The following FBXL7 variants were observed in gnomAD, a reference collection of about 807,000 sequenced individuals.
FBXL7 encodes F-box and leucine rich repeat protein 7, also known as F-box/LRR-repeat protein 7.
In FBXL7, 12 loss-of-function variants were observed where a neutral mutation model predicts 38.3. The observed-to-expected ratio is 0.31, with a 90% CI of 0.20 to 0.51. FBXL7 has a LOEUF of 0.51. Among genes scored for constraint, FBXL7 ranks in the 20% least tolerant of loss-of-function variants. The pLI, the probability that FBXL7 is intolerant of heterozygous loss-of-function variation, is 0.98. For missense variants in FBXL7, 567 were observed against 676.4 expected (o/e 0.84, Z 1.79); for synonymous variants, 297 against 300.9 (o/e 0.99, Z 0.13).
At chr5:15,513,366 C>T (rs1736854185) in intron 1 of FBXL7, among the ~76,000 whole-genome samples, 2 of 151,804 alleles carry the variant, frequency 1.3e-5, no homozygotes, top group African/African-American at 4.8e-5. Flanking sequence ...ACATGATATC[C>T]ATTAGAGGAA....
At chr5:15,645,640 C>A (rs969404646) in intron 2 of FBXL7, among the ~76,000 whole-genome samples, 3 of 152,210 alleles carry the variant, frequency 2.0e-5, no homozygotes, top group Non-Finnish European at 4.4e-5. Flanking sequence ...GCAAAATAAA[C>A]TTTCTGAATT....
chr5:15,714,015 C>T (rs1743962880), intron 2 of FBXL7, among the ~76,000 whole-genome samples: 1 of 152,220 alleles, frequency 6.6e-6, no homozygotes, highest in African/African-American at 2.4e-5. Flanking sequence ...TATGTTGTTA[C>T]ATGGCAAAAG....
chr5:15,894,277 A>G (rs1741026488), intron 2 of FBXL7, among the ~76,000 whole-genome samples: 1 of 152,174 alleles, frequency 6.6e-6, no homozygotes, highest in African/African-American at 2.4e-5. Context: ...CAAAACAAAC[A>G]AAACAAACAA....
At chr5:15,895,108 G>A (rs140626589) in intron 2 of FBXL7, among the ~76,000 whole-genome samples, 88 of 152,182 alleles carry the variant, frequency 5.8e-4, no homozygotes, top group African/African-American at 1.9e-3. Context: ...TATTCTACTC[G>A]TTAATCTGTT....
At chr5:15,836,507 G>A (rs1409528830) in intron 2 of FBXL7, among the ~76,000 whole-genome samples, 1 of 152,044 alleles carries the variant, frequency 6.6e-6, no homozygotes, top group South Asian at 2.1e-4. Flanking sequence ...AGGTAATGTT[G>A]GAATAAAGAT....
At chr5:15,807,769 C>T (rs1436376794) in intron 2 of FBXL7, among the ~76,000 whole-genome samples, 6 of 151,964 alleles carry the variant, frequency 3.9e-5, no homozygotes, top group African/African-American at 1.4e-4. Flanking sequence ...CTCTCGCTTA[C>T]TTCTTCTAAT....
intron 2 of FBXL7, among the ~76,000 whole-genome samples, chr5:15,776,612 G>A (rs937706465): frequency 1.3e-5 from 2 of 152,068 alleles, no homozygotes; most frequent in Non-Finnish European, 2.9e-5. Context: ...TGTGTCTGGG[G>A]CTCAACATAT....
chr5:15,778,565 T>G (rs1018345435), intron 2 of FBXL7, among the ~76,000 whole-genome samples: 1 of 152,116 alleles, frequency 6.6e-6, no homozygotes, highest in Non-Finnish European at 1.5e-5. Flanking sequence ...TCACCTGTGG[T>G]CAAGGTCCTA....
In FBXL7 at chr5:15,769,304, A is replaced by G. The variant is rs143958962; in HGVS notation, c.127+153232A>G. Among the ~76,000 whole-genome samples the G allele has an allele frequency of 2.6e-4, 40 of 152,342 alleles. 1 individual carries two copies. The East Asian group carries it at 7.7e-3, about 29-fold the overall frequency. On this transcript the variant is annotated intron_variant, in intron 2 of 3. Transcript: ENST00000504595. ...TTGAGCATACAACTTGAGTGCATCC[A>G]TCTGGAACATTCAAAATTGACCCTC...
chr5:15,645,658 A>C (rs1167700033), intron 2 of FBXL7, among the ~76,000 whole-genome samples: 1 of 152,134 alleles, frequency 6.6e-6, no homozygotes, highest in Non-Finnish European at 1.5e-5. Flanking sequence ...ATTAACTGAG[A>C]CCTGTCTCAA....
rs115433102 is a variant in FBXL7, at chr5:15,921,870, G to T, written c.128-6020G>T. Among the ~76,000 whole-genome samples the T allele has an allele frequency of 9.6e-3, 1,457 of 152,236 alleles. 17 individuals carry two copies. The highest frequency in any genetic ancestry group is 0.032 in the African/African-American group (1,320 of 41,542). On this transcript the variant is annotated intron_variant, in intron 2 of 3. Coordinates refer to ENST00000504595, the MANE Select transcript of FBXL7 (RefSeq NM_012304.5). Reference sequence around the variant, plus strand: ...TAAGTGTGACAGGGTGTGAAGAAAAGAGAACCCTTGGAATCTAGATTGTTG... The same window carrying T: ...TAAGTGTGACAGGGTGTGAAGAAAATAGAACCCTTGGAATCTAGATTGTTG...
At chr5:15,806,451 A>C (rs922460719) in intron 2 of FBXL7, among the ~76,000 whole-genome samples, 1 of 152,206 alleles carries the variant, frequency 6.6e-6, no homozygotes, top group African/African-American at 2.4e-5. Context: ...AATAACCTCA[A>C]AATAAATTAT....
intron 2 of FBXL7, among the ~76,000 whole-genome samples, chr5:15,689,185 A>C (rs919205818): frequency 6.6e-6 from 1 of 151,408 alleles, no homozygotes; most frequent in African/African-American, 2.4e-5. Context: ...GACATTGAGG[A>C]GTTTTCTTCC....
At chr5:15,639,952 G>A (rs1741304814) in intron 2 of FBXL7, among the ~76,000 whole-genome samples, 1 of 152,014 alleles carries the variant, frequency 6.6e-6, no homozygotes, top group Admixed American at 6.6e-5. Context: ...ACTGTAGAAA[G>A]GTCTTTTCCG....
At chr5:15,933,926 C>T (rs567216629) in intron 3 of FBXL7, among the ~76,000 whole-genome samples, 30 of 151,972 alleles carry the variant, frequency 2.0e-4, no homozygotes, top group Non-Finnish European at 3.7e-4. Context: ...TATACAGCCT[C>T]GGTAGTAGAA....
At chr5:15,806,811 A>G (rs1210781242) in intron 2 of FBXL7, among the ~76,000 whole-genome samples, 2 of 152,192 alleles carry the variant, frequency 1.3e-5, no homozygotes, top group African/African-American at 2.4e-5. Context: ...AGCAGCCCAG[A>G]GTAAGGTGGA....
chr5:15,586,055 C>T (rs1739291867), intron 1 of FBXL7, among the ~76,000 whole-genome samples: 1 of 152,206 alleles, frequency 6.6e-6, no homozygotes, highest in African/African-American at 2.4e-5. Context: ...TATGTGCTGT[C>T]ATTGCAAAGC....
chr5:15,739,759 T>C lies in FBXL7; in HGVS notation c.127+123687T>C, dbSNP rs1160957680. 2.6e-5 allele frequency among the ~76,000 whole-genome samples: 4 copies of C among 152,352 alleles called. No individual in the cohort carries two copies. In the East Asian group the frequency reaches 7.7e-4, roughly 29 times the overall value. ...TTCCATTTATAAATTTACAATGTATTATTTACCCATTAATCAGTTGGTAGA... is the reference window on the plus strand; with the variant it reads ...TTCCATTTATAAATTTACAATGTATCATTTACCCATTAATCAGTTGGTAGA... On this transcript the variant is annotated intron_variant, in intron 2 of 3. Coordinates refer to ENST00000504595, the MANE Select transcript of FBXL7 (RefSeq NM_012304.5).
chr5:15,683,535 T>C (rs1487905992), intron 2 of FBXL7, among the ~76,000 whole-genome samples: 2 of 152,178 alleles, frequency 1.3e-5, no homozygotes, highest in Non-Finnish European at 2.9e-5. Flanking sequence ...CCATGTATTC[T>C]GGGACATCAT....
Sources: allele counts gnomAD v4.1 joint callset (sites outside exome capture counted in the v4.1 genomes callset), GRCh38; gene constraint gnomAD v4.1.1; transcripts MANE v1.5; gene names NCBI Gene and HGNC (gene_info 2026-07-23, HGNC 2026-07-21).